Variants in NGB observed in about 807,000 individuals in gnomAD.
NGB encodes neuroglobin, also known as nitrite reductase.
NGB carries 12 observed loss-of-function variants against 17.3 expected under a neutral mutation model. That is an observed-to-expected ratio of 0.69 (90% confidence interval 0.45 to 1.13). NGB has a LOEUF of 1.13. Among genes scored for constraint, NGB ranks in the 50% most tolerant of loss-of-function variants. The pLI is 0.00. For missense variants in NGB, 195 were observed against 191.7 expected (o/e 1.02, Z -0.10); for synonymous variants, 87 against 81.0 (o/e 1.07, Z -0.40).
Position 77,268,494 on chromosome 14 carries a change from G to A in NGB, c.293C>T (p.Ala98Val), listed in dbSNP as rs2140142831. Residue 98 changes from alanine to valine, a missense_variant, in exon 3 of 4, where the codon GCA (alanine) becomes GTA (valine). Transcript: ENST00000298352. The part of the protein sequence containing the change: ...YLASLGRKHR[A>V]VGVKLSSFST... ...GAAGGAGCTGAGCTTCACACCCACT[G>A]CCCGGTGCTTCCTGCCCAGGCTGGC... 6.2e-7 allele frequency: 1 copy of A among 1,613,384 alleles called. No homozygotes were observed. Among genetic ancestry groups the A allele is most frequent in the East Asian group, 2.2e-5 (1 of 44,848 alleles).
intron 3 of NGB, among the ~76,000 whole-genome samples, chr14:77,267,657 GCC>G (rs1889692388): frequency 6.6e-6 from 1 of 152,136 alleles, no homozygotes; most frequent in African/African-American, 2.4e-5. Flanking sequence ...ATCCACTGTA[GCC>G]CTGGTAGATC....
intron 1 of NGB, among the ~76,000 whole-genome samples, chr14:77,270,457 T>C (rs910479116): frequency 3.9e-5 from 6 of 152,172 alleles, no homozygotes; most frequent in African/African-American, 1.4e-4. Flanking sequence ...GGCACCCCAG[T>C]ACCCTGATAC....
intron 1 of NGB, among the ~76,000 whole-genome samples, chr14:77,269,570 A>C (rs1257713884): frequency 1.3e-5 from 2 of 151,910 alleles, no homozygotes; most frequent in African/African-American, 4.8e-5. Flanking sequence ...TCTGGTAAGC[A>C]GGGGTCCCTC....
intron 1 of NGB, among the ~76,000 whole-genome samples, chr14:77,269,703 T>C (rs1193266452): frequency 2.4e-3 from 3 of 1,272 alleles, no homozygotes; most frequent in African/African-American, 5.1e-3. Flanking sequence ...TCTCTCTCTC[T>C]CTCTCTCTCT....
intron 2 of NGB, among the ~76,000 whole-genome samples, chr14:77,268,990 G>A (rs2140143059): frequency 6.6e-6 from 1 of 152,196 alleles, no homozygotes; most frequent in East Asian, 1.9e-4. Context: ...GAGGACAAAG[G>A]CAATGACACA....
At position 77,266,123 on chromosome 14, in the gene NGB, G is replaced by A; in HGVS notation, c.*413C>T. 2.0e-6 allele frequency: 1 copy of A among 496,562 alleles called. No individual in the cohort carries two copies. Among genetic ancestry groups the A allele is most frequent in the Non-Finnish European group, 4.2e-6 (1 of 236,724 alleles). The allele number at this position is 496,562 out of a possible 1,614,324, so 30.8% of individuals were successfully genotyped here. The stretch of plus-strand genomic sequence containing the variant: ...AAGGGACTGGGCAGGCAGGACAGAA[G>A]GCGCTGGAAGCTCAGCCATCTCACC... On this transcript the variant is annotated 3_prime_UTR_variant, in exon 4 of 4. Coordinates refer to ENST00000298352, the MANE Select transcript of NGB (RefSeq NM_021257.4).
Position 77,270,855 on chromosome 14 carries a change from A to G in NGB, c.83T>C (p.Phe28Ser). 1 of 1,584,598 alleles carries G rather than the reference A, an allele frequency of 6.3e-7. No individual in the cohort carries two copies. Among genetic ancestry groups the G allele is most frequent in the Non-Finnish European group, 8.5e-7 (1 of 1,171,616 alleles). ...RSPLEHGTVLFARLFALEPDL... is the reference protein window; with the variant it reads ...RSPLEHGTVLSARLFALEPDL... ...GCGCTCGTGTAGCCCTCACCTGGCAAACAGGACGGTGCCGTGCTCCAGCGG... is the reference window on the plus strand; with the variant it reads ...GCGCTCGTGTAGCCCTCACCTGGCAGACAGGACGGTGCCGTGCTCCAGCGG... Residue 28 changes from phenylalanine to serine, a missense_variant, in exon 1 of 4, where the codon TTT (phenylalanine) becomes TCT (serine). Coordinates refer to ENST00000298352, the MANE Select transcript of NGB (RefSeq NM_021257.4).
chr14:77,270,923 C>G lies in NGB; in HGVS notation c.15G>C (p.Glu5Asp). The stretch of plus-strand genomic sequence containing the variant: ...GCCAGCTCTGCCGGATCAGCTCGGG[C>G]TCCGGGCGCTCCATGCTGTCCCGGG... MERP[E>D]PELIRQSWRA... The change falls in exon 1 of 4, where the codon GAG (glutamate) becomes GAC (aspartate). Residue 5 changes from glutamate (E) to aspartate (D), a missense_variant. Physicochemically the swap from Glu to Asp is conservative, Grantham distance 45 (BLOSUM62 2). Transcript: ENST00000298352. 1 of 1,557,524 alleles carries G rather than the reference C, an allele frequency of 6.4e-7. No individual in the cohort carries two copies. Among genetic ancestry groups the G allele is most frequent in the Non-Finnish European group, 8.6e-7 (1 of 1,158,070 alleles).
intron 1 of NGB, among the ~76,000 whole-genome samples, chr14:77,270,029 A>G (rs943570901): frequency 4.0e-5 from 6 of 151,850 alleles, no homozygotes; most frequent in Non-Finnish European, 7.4e-5. Context: ...CGGAGGCAGA[A>G]GCAGAGGCCC....
chr14:77,267,178 C>G (rs1274795475), intron 3 of NGB, among the ~76,000 whole-genome samples: 1 of 152,140 alleles, frequency 6.6e-6, no homozygotes, highest in South Asian at 2.1e-4. Context: ...AACTCCTGGG[C>G]CTGTTGGGAT....
rs1566638022 is a variant in NGB, at chr14:77,270,972, C to T, written c.-35G>A. The stretch of plus-strand genomic sequence containing the variant: ...GGGACGCGGAGCGCGGGGCTGGGAC[C>T]CTCAGGGCTCGGGTGCCGTCACCGC... On this transcript the variant is annotated 5_prime_UTR_variant, in exon 1 of 4. Transcript: ENST00000298352. 6.8e-7 allele frequency: 1 copy of T among 1,469,174 alleles called. No homozygotes were observed. The highest frequency in any genetic ancestry group is 9.1e-7 in the Non-Finnish European group (1 of 1,103,364). 91.0% of individuals were successfully genotyped at this position (1,469,174 alleles called of 1,614,324 possible). A position where few individuals can be genotyped will look rare whatever the true frequency, so the allele number is the denominator to read the frequency against.
intron 1 of NGB, among the ~76,000 whole-genome samples, chr14:77,269,628 CAGGAAACCTGGAGTT>C (rs1186341610): frequency 1.3e-5 from 2 of 151,582 alleles, no homozygotes; most frequent in Admixed American, 1.3e-4. Flanking sequence ...GGTCCCCAAA[CAGGAAACCTGGAGTT>C]ACGTTGTGTG....
At position 77,267,617 on chromosome 14, in the gene NGB, G is replaced by C. The variant is rs149346529; in HGVS notation, c.321+849C>G. 1.5e-3 allele frequency among the ~76,000 whole-genome samples: 221 copies of C among 152,220 alleles called. 1 individual carries two copies. Among genetic ancestry groups the C allele is most frequent in the African/African-American group, 5.0e-3 (208 of 41,522 alleles). On this transcript the variant is annotated intron_variant, in intron 3 of 3. Coordinates refer to ENST00000298352, the MANE Select transcript of NGB (RefSeq NM_021257.4). ...CCATTATTACTCATAATAAAATAAG[G>C]TTTATTTATCTCACAAATATTAACT... is the stretch of plus-strand genomic sequence containing the variant.
At chr14:77,268,656 G>C in intron 2 of NGB, 71 bp from the exon 3 acceptor site, 1 of 1,588,930 alleles carries the variant, frequency 6.3e-7, no homozygotes. Context: ...CACAGCCCAA[G>C]GCATGAGGGT....
chr14:77,266,980 C>T (rs1889681793), intron 3 of NGB, among the ~76,000 whole-genome samples: 1 of 152,244 alleles, frequency 6.6e-6, no homozygotes, highest in African/African-American at 2.4e-5. Flanking sequence ...CAAGTCATTG[C>T]TCCCAGACTT....
At chr14:77,268,199 C>T (rs1719585750) in intron 3 of NGB, among the ~76,000 whole-genome samples, 1 of 152,192 alleles carries the variant, frequency 6.6e-6, no homozygotes, top group Non-Finnish European at 1.5e-5. Flanking sequence ...TGATACATAG[C>T]AATAGAAAAT....
Position 77,270,908 on chromosome 14 carries a change from C to A in NGB, c.30G>T (p.Arg10=), listed in dbSNP as rs1207965870. ...TGCGGCTCACTGCCCGCCAGCTCTG[C>A]CGGATCAGCTCGGGCTCCGGGCGCT... MERPEPELI[R]QSWRAVSRSP... The change falls in exon 1 of 4, where the codon CGG becomes CGT. Residue 10 remains arginine (R), a synonymous_variant. Coordinates refer to ENST00000298352, the MANE Select transcript of NGB (RefSeq NM_021257.4). 2.0e-5 allele frequency: 32 copies of A among 1,578,438 alleles called. No individual in the cohort carries two copies. Among genetic ancestry groups the A allele is most frequent in the Middle Eastern group, 3.4e-4 (2 of 5,860 alleles).
intron 3 of NGB, among the ~76,000 whole-genome samples, chr14:77,268,047 C>T (rs1325284024): frequency 1.3e-5 from 2 of 152,196 alleles, no homozygotes; most frequent in Non-Finnish European, 2.9e-5. Flanking sequence ...GCTGACAGGC[C>T]TTGGACATTC....
chr14:77,269,784 C>T (rs1306963), intron 1 of NGB, among the ~76,000 whole-genome samples: 157 of 11,114 alleles, frequency 0.014, 3 homozygotes, highest in African/African-American at 0.018. Context: ...TCTCTCTCTC[C>T]CTCTCCCTCT....
Sources: gnomAD v4.1 joint callset for allele counts (sites outside exome capture counted in the v4.1 genomes callset) on GRCh38, gnomAD v4.1.1 for gene constraint, MANE v1.5 for transcripts, NCBI Gene and HGNC (gene_info 2026-07-23, HGNC 2026-07-21) for gene names.